CD2AP: variants seen among roughly 807,000 people sequenced by gnomAD.
CD2AP encodes CD2-associated protein.
In CD2AP, 46 loss-of-function variants were observed where a neutral mutation model predicts 85.1. The ratio of observed to expected loss-of-function variants is 0.54; its 90% CI spans 0.43 to 0.69. The LOEUF is 0.69. Among genes scored for constraint, CD2AP ranks in the 30% least tolerant of loss-of-function variants. The pLI is 0.00. For synonymous variants in CD2AP, 255 were observed against 252.9 expected, an observed-to-expected ratio of 1.01 and a Z score of -0.08; for missense variants, 769 against 729.5, an observed-to-expected ratio of 1.05 and a Z score of -0.62.
chr6:47,492,347 C>CTTT lies in CD2AP; in HGVS notation c.5-10912_5-10910dup, dbSNP rs70999626. 5.0e-3 allele frequency among the ~76,000 whole-genome samples: 480 copies of CTTT among 95,178 alleles called. 1 individual carries two copies. The highest frequency in any genetic ancestry group is 6.0e-3 in the Non-Finnish European group (306 of 51,422). 62.4% of individuals were successfully genotyped at this position (95,178 alleles called of 152,430 possible). A position where few individuals can be genotyped will look rare whatever the true frequency, so the allele number is the denominator to read the frequency against. On this transcript the variant is annotated intron_variant, in intron 1 of 17. Coordinates refer to ENST00000359314, the MANE Select transcript of CD2AP (RefSeq NM_012120.3). ...GGGTTTGGTGGCTCACACCTGTAAT[C>CTTT]TTTTTTTTTTTTTTTTTTTTTTTGA... is the stretch of plus-strand genomic sequence containing the variant.
At chr6:47,572,121 C>T (rs1768173611) in intron 5 of CD2AP, among the ~76,000 whole-genome samples, 1 of 152,144 alleles carries the variant, frequency 6.6e-6, no homozygotes, top group African/African-American at 2.4e-5. Flanking sequence ...TGCCTCATGT[C>T]TCTTGGAAGG....
chr6:47,499,122 A>G (rs1195772892), intron 1 of CD2AP, among the ~76,000 whole-genome samples: 3 of 152,288 alleles, frequency 2.0e-5, no homozygotes, highest in Non-Finnish European at 4.4e-5. Flanking sequence ...CTGGCACAAC[A>G]AAATGTTCCA....
At chr6:47,598,877 C>G (rs1465815122) in intron 12 of CD2AP, among the ~76,000 whole-genome samples, 2 of 149,928 alleles carry the variant, frequency 1.3e-5, no homozygotes, top group Non-Finnish European at 3.0e-5. Flanking sequence ...AACCAAATGC[C>G]ACCTGTTTCT....
chr6:47,591,465 T>C (rs1768790099), intron 11 of CD2AP, among the ~76,000 whole-genome samples: 1 of 152,160 alleles, frequency 6.6e-6, no homozygotes, highest in Non-Finnish European at 1.5e-5. Context: ...GTTAGGAAAA[T>C]AGGTTCAATT....
At position 47,606,038 on chromosome 6, in the gene CD2AP, A is replaced by G. The variant is rs534057906; in HGVS notation, c.1418-127A>G. On this transcript the variant is annotated intron_variant, in intron 13 of 17. Coordinates refer to ENST00000359314, the MANE Select transcript of CD2AP (RefSeq NM_012120.3). ...AAATGCATATGAAAAGCACAGGTCA[A>G]TTTGTGAGTTCTTCAAAGTAGTGGT... 110 of 625,818 alleles carry G rather than the reference A, an allele frequency of 1.8e-4. 1 individual carries two copies. The highest frequency in any genetic ancestry group is 1.1e-3 in the South Asian group (55 of 51,498). 38.8% of individuals were successfully genotyped at this position (625,818 alleles called of 1,614,324 possible).
At chr6:47,548,541 C>T (rs1347010518) in intron 4 of CD2AP, among the ~76,000 whole-genome samples, 2 of 151,952 alleles carry the variant, frequency 1.3e-5, no homozygotes, top group South Asian at 2.1e-4. Context: ...TAACAGGCAG[C>T]GAGGTTGAAG....
At chr6:47,521,477 G>A (rs1766593570) in intron 2 of CD2AP, among the ~76,000 whole-genome samples, 1 of 152,004 alleles carries the variant, frequency 6.6e-6, no homozygotes, top group East Asian at 1.9e-4. Flanking sequence ...GCTTGAACCC[G>A]GGAGGTGGAG....
At chr6:47,572,517 AG>A (rs763112070) in intron 5 of CD2AP, among the ~76,000 whole-genome samples, 7 of 152,202 alleles carry the variant, frequency 4.6e-5, no homozygotes, top group Non-Finnish European at 7.3e-5. Flanking sequence ...TATACTTGTT[AG>A]CATTATATTT....
intron 3 of CD2AP, 26 bp from the exon 4 acceptor site, chr6:47,544,580 A>G (rs1186545579): frequency 1.4e-6 from 2 of 1,383,046 alleles, no homozygotes; most frequent in African/African-American, 2.8e-5. Flanking sequence ...TCTTAATCTA[A>G]TTTCTTATTA....
rs1769322237 is a variant in CD2AP, at chr6:47,608,044, G to A, written c.1632+16G>A. 3 of 1,563,520 alleles carry A rather than the reference G, an allele frequency of 1.9e-6. No homozygotes were observed. The highest frequency in any genetic ancestry group is 4.5e-5 in the East Asian group (2 of 44,550). On this transcript the variant is annotated intron_variant, in intron 15 of 17. Transcript: ENST00000359314. Reference sequence around the variant, plus strand: ...CTCTCCAAAGGTGAGGTGCATTGTGGTCTAAGGTTTGTTGACTTTCTGGGA... The same window carrying A: ...CTCTCCAAAGGTGAGGTGCATTGTGATCTAAGGTTTGTTGACTTTCTGGGA...
Position 47,477,874 on chromosome 6 carries a change from C to T in CD2AP, c.-371C>T, listed in dbSNP as rs1341507847. On this transcript the variant is annotated 5_prime_UTR_variant, in exon 1 of 18. Coordinates refer to ENST00000359314, the MANE Select transcript of CD2AP (RefSeq NM_012120.3). ...AAGAGGCGAGGGGCGGGCTCCGAGG[C>T]TAGGCGGGCGCTCGGGGTTGGAGCC... 1 of 353,750 alleles carries T rather than the reference C, an allele frequency of 2.8e-6. No individual in the cohort carries two copies. Among genetic ancestry groups the T allele is most frequent in the Non-Finnish European group, 5.2e-6 (1 of 193,888 alleles). The allele number at this position is 353,750 out of a possible 1,614,324, so 21.9% of individuals were successfully genotyped here.
In CD2AP at chr6:47,609,125, A is replaced by G. The variant is rs1769355187; in HGVS notation, c.1635A>G (p.Pro545=). The change falls in exon 16 of 18, where the codon CCA becomes CCG. Residue 545 remains proline, a splice_region_variant and synonymous_variant. Coordinates refer to ENST00000359314, the MANE Select transcript of CD2AP (RefSeq NM_012120.3). The stretch of plus-strand genomic sequence containing the variant: ...AAATTTTTTTTTTACGTTTTCAGCC[A>G]TCTGTGTACCTTTCAACACCTTCCA... ...LKKDTCYSPK[P]SVYLSTPSSA... is the part of the protein sequence containing the mutation. 6.3e-7 allele frequency: 1 copy of G among 1,598,246 alleles called. No homozygotes were observed. The highest frequency in any genetic ancestry group is 1.8e-4 in the Middle Eastern group (1 of 5,544).
At chr6:47,612,013 T>G (rs372843320) in intron 16 of CD2AP, among the ~76,000 whole-genome samples, 1 of 151,990 alleles carries the variant, frequency 6.6e-6, no homozygotes, top group Non-Finnish European at 1.5e-5. Context: ...ATTTGTTTGG[T>G]TTTTGGATTT....
rs1554129938 is a variant in CD2AP at position 47,624,737 on chromosome 6, A to ATT, written c.*514_*515dup. 2.2e-5 allele frequency: 3 copies of ATT among 136,906 alleles called. No homozygotes were observed. The highest frequency in any genetic ancestry group is 8.2e-5 in the African/African-American group (3 of 36,548). The allele number at this position is 136,906 out of a possible 1,614,324, so 8.5% of individuals were successfully genotyped here. ...TGTGTGTGTGTATATATATATATAT[A>ATT]TTTTTACTTTTATCCTCTTACCGAA... is the stretch of plus-strand genomic sequence containing the variant. On this transcript the variant is annotated 3_prime_UTR_variant, in exon 18 of 18. Coordinates refer to ENST00000359314, the MANE Select transcript of CD2AP (RefSeq NM_012120.3).
intron 11 of CD2AP, among the ~76,000 whole-genome samples, chr6:47,590,371 T>C (rs1768760459): frequency 6.6e-6 from 1 of 152,076 alleles, no homozygotes; most frequent in South Asian, 2.1e-4. Flanking sequence ...TGTTAATATA[T>C]GTGTGTATAT....
intron 1 of CD2AP, among the ~76,000 whole-genome samples, chr6:47,481,342 T>TTTTG (rs1206647056): frequency 1.3e-5 from 2 of 152,112 alleles, no homozygotes; most frequent in African/African-American, 2.4e-5. Context: ...GGTGGTGTTT[T>TTTTG]TTTGTTTGTT....
intron 2 of CD2AP, among the ~76,000 whole-genome samples, chr6:47,513,505 G>T (rs1241573759): frequency 1.3e-5 from 2 of 151,868 alleles, no homozygotes; most frequent in Admixed American, 1.3e-4. Flanking sequence ...TTTAGTGTTT[G>T]ATTTTGAAGT....
Position 47,625,925 on chromosome 6 carries a change from A to G in CD2AP, c.*1698A>G, listed in dbSNP as rs1769895551. 6.6e-6 allele frequency: 1 copy of G among 151,904 alleles called. No homozygotes were observed. The highest frequency in any genetic ancestry group is 1.5e-5 in the Non-Finnish European group (1 of 67,786). 9.4% of individuals were successfully genotyped at this position (151,904 alleles called of 1,614,324 possible). On this transcript the variant is annotated 3_prime_UTR_variant, in exon 18 of 18. Transcript: ENST00000359314. ...GAACAAAATTGTTCCCTCTTCTGTT[A>G]AATAGAATAGGTTTAAATGACTAGT...
chr6:47,500,122 C>T (rs915254171), intron 1 of CD2AP, among the ~76,000 whole-genome samples: 1 of 152,106 alleles, frequency 6.6e-6, no homozygotes, highest in African/African-American at 2.4e-5. Context: ...TCTGAGAAAC[C>T]AGCATTCATC....
Sources: allele counts gnomAD v4.1 joint callset (sites outside exome capture counted in the v4.1 genomes callset), GRCh38; gene constraint gnomAD v4.1.1; transcripts MANE v1.5; gene names NCBI Gene and HGNC (gene_info 2026-07-23, HGNC 2026-07-21).